Variants in CFAP74 observed in about 807,000 individuals in gnomAD.
The protein encoded by CFAP74 is cilia and flagella associated protein 74, also known as cilia- and flagella-associated protein 74.
Under a neutral mutation model 188.9 loss-of-function variants are expected in CFAP74, and 124 were observed. That is an observed-to-expected ratio of 0.66 (90% confidence interval 0.57 to 0.76). CFAP74 has a LOEUF of 0.76. CFAP74 is among the 30% of genes least tolerant of loss of function. The probability of loss-of-function intolerance (pLI) is 0.00; values close to 1 mark genes in which losing one functional copy is unlikely to be tolerated. For missense variants in CFAP74, 2,198 were observed against 2,165.2 expected (o/e 1.02, Z -0.30); for synonymous variants, 956 against 916.7 (o/e 1.04, Z -0.77).
intron 9 of CFAP74, 70 bp from the exon 10 acceptor site, chr1:1,970,886 C>T: frequency 6.4e-7 from 1 of 1,573,744 alleles, no homozygotes; most frequent in East Asian, 2.2e-5. Flanking sequence ...CACACCTGCA[C>T]ATGTGCACAC....
chr1:1,938,849 G>A lies in CFAP74; in HGVS notation c.3011+6C>T, dbSNP rs952864906. Reference sequence around the variant, plus strand: ...CCCCTGCGTCCCCTCTCCCTGGCAGGCTCACCGGTTGATCTCAGACTTGCA... The same window carrying A: ...CCCCTGCGTCCCCTCTCCCTGGCAGACTCACCGGTTGATCTCAGACTTGCA... On this transcript the variant is annotated splice_donor_region_variant and intron_variant, in intron 25 of 38. Coordinates refer to ENST00000682832, the MANE Select transcript of CFAP74 (RefSeq NM_001304360.2). 4.6e-6 allele frequency: 7 copies of A among 1,535,794 alleles called. No individual in the cohort carries two copies. Among genetic ancestry groups the A allele is most frequent in the Non-Finnish European group, 6.1e-6 (7 of 1,146,740 alleles).
At chr1:1,989,319 A>G (rs1282672617) in intron 2 of CFAP74, among the ~76,000 whole-genome samples, 2 of 152,238 alleles carry the variant, frequency 1.3e-5, no homozygotes, top group African/African-American at 4.8e-5. Context: ...GAGCCGCCGG[A>G]CTAACCAGCC....
chr1:1,973,869 G>A lies in CFAP74; in HGVS notation c.674+156C>T, dbSNP rs989196050. On this transcript the variant is annotated intron_variant, in intron 7 of 38. Coordinates refer to ENST00000682832, the MANE Select transcript of CFAP74 (RefSeq NM_001304360.2). The surrounding 1 kb of genome is among the most constrained non-coding windows in gnomAD (Gnocchi z 6.2). ...ACACTTGGGAAGGACTCAAGGGCCC[G>A]GTGGAGGAGCAAGCTGGGAGGAGGC... Among the ~76,000 whole-genome samples, 1 of 151,826 alleles carries A rather than the reference G, an allele frequency of 6.6e-6. No individual in the cohort carries two copies. Among genetic ancestry groups the A allele is most frequent in the Non-Finnish European group, 1.5e-5 (1 of 67,944 alleles).
chr1:1,954,794 C>T (rs963268754), intron 18 of CFAP74: 13 of 1,108,090 alleles, frequency 1.2e-5, no homozygotes, highest in African/African-American at 5.1e-5. Context: ...AAAAAGAACT[C>T]ACTTTGGTAT....
In CFAP74 at chr1:1,973,572, G is replaced by A. The variant is rs977032084; in HGVS notation, c.674+453C>T. Among the ~76,000 whole-genome samples, 3 of 152,102 alleles carry A rather than the reference G, an allele frequency of 2.0e-5. No individual in the cohort carries two copies. Among genetic ancestry groups the A allele is most frequent in the Admixed American group, 1.3e-4 (2 of 15,272 alleles). On this transcript the variant is annotated intron_variant, in intron 7 of 38. Transcript: ENST00000682832. This position sits in a 1 kb window ranked among gnomAD's most constrained non-coding sequence, Gnocchi z 6.2. ...TAGTAGGTGGCCGGGCCCTGGCTGAGCAGGAGACTCATGACAGAAGACGTG... is the reference window on the plus strand; with the variant it reads ...TAGTAGGTGGCCGGGCCCTGGCTGAACAGGAGACTCATGACAGAAGACGTG...
chr1:1,946,535 G>A (rs1454254378), intron 19 of CFAP74, 96 bp from the exon 20 acceptor site: 1 of 1,420,172 alleles, frequency 7.0e-7, no homozygotes, highest in East Asian at 2.5e-5. Flanking sequence ...AAGGATGGAA[G>A]GTGGCAGGAC....
At chr1:1,995,416 C>T (rs377185685) in intron 1 of CFAP74, among the ~76,000 whole-genome samples, 11 of 151,272 alleles carry the variant, frequency 7.3e-5, no homozygotes, top group African/African-American at 2.7e-4. Context: ...CGTTTGAACC[C>T]GGGAGGCGGA....
At chr1:1,984,362 C>T (rs1657102649) in intron 6 of CFAP74, 1 of 148,546 alleles carries the variant, frequency 6.7e-6, no homozygotes, top group Admixed American at 6.7e-5. Context: ...GTGAGGCCTT[C>T]TGGGGTTCAT....
intron 20 of CFAP74, 68 bp downstream of exon 20, chr1:1,946,249 A>G: frequency 6.8e-7 from 1 of 1,463,210 alleles, no homozygotes; most frequent in Non-Finnish European, 9.0e-7. Context: ...GGCCAAGGGC[A>G]GCTGCCACAT....
rs777985227 is a variant in CFAP74 at position 1,986,919 on chromosome 1, C to T, written c.395+18G>A. The T allele has an allele frequency of 3.1e-6, 5 of 1,596,058 alleles. No individual in the cohort carries two copies. In the Admixed American group the frequency reaches 6.7e-5, roughly 21 times the overall value. On this transcript the variant is annotated intron_variant, in intron 5 of 38. Coordinates refer to ENST00000682832, the MANE Select transcript of CFAP74 (RefSeq NM_001304360.2). The stretch of plus-strand genomic sequence containing the variant: ...GACCTCATGCCCGGTTCCCTGCCCC[C>T]TGGCGAGGGCCACCTACATGTTGCC...
Position 1,923,422 on chromosome 1 carries a change from G to A in CFAP74, c.4467C>T (p.Asp1489=), listed in dbSNP as rs150000110. 6,727 of 1,602,776 alleles carry A rather than the reference G, an allele frequency of 4.2e-3. 14 individuals are homozygous for A. The highest frequency in any genetic ancestry group is 5.3e-3 in the Non-Finnish European group (6,232 of 1,175,902). Residue 1489 remains aspartate, a synonymous_variant, in exon 36 of 39, where the codon GAC becomes GAT. Coordinates refer to ENST00000682832, the MANE Select transcript of CFAP74 (RefSeq NM_001304360.2). The surrounding 1 kb of genome is among the most constrained non-coding windows in gnomAD (Gnocchi z 6.3). ...TCGCTGTCAGAGACTCCACGGGCAC[G>A]TCCAGGGGGTCGCCGCCCTCCACGA... The part of the protein sequence containing the change: ...MMFVEGGDPL[D]VPVESLTAIP...
chr1:1,991,797 T>C (rs924504240), intron 1 of CFAP74, among the ~76,000 whole-genome samples: 2 of 152,024 alleles, frequency 1.3e-5, no homozygotes, highest in Non-Finnish European at 2.9e-5. Flanking sequence ...CCCAGCACTT[T>C]GGGAGGCCAA....
chr1:1,923,079 TC>T lies in CFAP74; in HGVS notation c.4588del (p.Asp1530ThrfsTer38). ...EELRPILVTL[D>X]YIQFDTDTPA... Reference sequence around the variant, plus strand: ...CGTGTCTGTGTCAAACTGGATGTAGTCCAGGGTCACCAGGATGGGCCTCAGC... The same window carrying T: ...CGTGTCTGTGTCAAACTGGATGTAGTCAGGGTCACCAGGATGGGCCTCAGC... On this transcript the variant is annotated frameshift_variant, in exon 37 of 39. Transcript: ENST00000682832. LOFTEE classifies it high-confidence loss of function. This position sits in a 1 kb window ranked among gnomAD's most constrained non-coding sequence, Gnocchi z 6.3. 3 of 1,610,188 alleles carry T rather than the reference TC, an allele frequency of 1.9e-6. No homozygotes were observed. Among genetic ancestry groups the T allele is most frequent in the Non-Finnish European group, 2.5e-6 (3 of 1,179,244 alleles).
chr1:1,927,830 C>T (rs895930202), intron 27 of CFAP74, 84 bp from the exon 28 acceptor site: 8 of 1,420,320 alleles, frequency 5.6e-6, no homozygotes, highest in Admixed American at 5.1e-5. Context: ...GCGGCCAGTG[C>T]GGGAACCGCG....
At chr1:1,964,722 G>A (rs1026752038) in intron 13 of CFAP74, among the ~76,000 whole-genome samples, 166 bp downstream of exon 13, 1 of 152,214 alleles carries the variant, frequency 6.6e-6, no homozygotes, top group Non-Finnish European at 1.5e-5. Context: ...CCCAGGAGGC[G>A]GAGGTTGCAG....
At position 1,971,969 on chromosome 1, in the gene CFAP74, C is replaced by T. The variant is rs116259649; in HGVS notation, c.888+11G>A. 4,178 of 1,601,384 alleles carry T rather than the reference C, an allele frequency of 2.6e-3. 84 individuals carry two copies. The African/African-American group carries it at 0.045, about 17-fold the overall frequency. ...CCAAGGGAGAGGCTGGGTGGGGCTG[C>T]GGGGGCCTACCCGGTTCGCGGAGAT... On this transcript the variant is annotated intron_variant, in intron 9 of 38. Coordinates refer to ENST00000682832, the MANE Select transcript of CFAP74 (RefSeq NM_001304360.2).
At chr1:1,991,758 G>A (rs1300140413) in intron 1 of CFAP74, among the ~76,000 whole-genome samples, 1 of 152,072 alleles carries the variant, frequency 6.6e-6, no homozygotes, top group African/African-American at 2.4e-5. Flanking sequence ...GCCTGAGATT[G>A]GCTGGGCGTG....
chr1:1,990,274 G>A (rs1001150086), intron 2 of CFAP74, among the ~76,000 whole-genome samples: 10 of 151,826 alleles, frequency 6.6e-5, no homozygotes, highest in Non-Finnish European at 1.3e-4. Context: ...GCGGACTTCC[G>A]GCAAAACACG....
chr1:1,981,692 C>T (rs1656871150), intron 6 of CFAP74, among the ~76,000 whole-genome samples: 1 of 129,284 alleles, frequency 7.7e-6, no homozygotes, highest in Non-Finnish European at 1.6e-5. Flanking sequence ...CGCGGACAGA[C>T]ACGGGGGCAC....
Sources: allele counts gnomAD v4.1 joint callset (sites outside exome capture counted in the v4.1 genomes callset), GRCh38; gene constraint gnomAD v4.1.1; non-coding constraint Gnocchi (gnomAD v3.1); transcripts MANE v1.5; gene names NCBI Gene and HGNC (gene_info 2026-07-23, HGNC 2026-07-21).